Variants in ZFHX3 observed in about 807,000 individuals in gnomAD.
The protein encoded by ZFHX3 is zinc finger homeobox 3.
In ZFHX3, 42 loss-of-function variants were observed where a neutral mutation model predicts 279.1. The ratio of observed to expected loss-of-function variants is 0.15; its 90% CI spans 0.12 to 0.19. The LOEUF is 0.19. ZFHX3 is among the 10% of genes least tolerant of loss of function. The pLI is 1.00. For synonymous variants in ZFHX3, 2,293 were observed against 1,957.8 expected (o/e 1.17, Z -4.52); for missense variants, 4,981 against 4,754.0 (o/e 1.05, Z -1.40).
At chr16:73,685,927 A>G (rs1212924816) in intron 1 of ZFHX3, among the ~76,000 whole-genome samples, 1 of 152,182 alleles carries the variant, frequency 6.6e-6, no homozygotes, top group Non-Finnish European at 1.5e-5. Flanking sequence ...CATTCTCGGA[A>G]GTGTGGGATG....
intron 2 of ZFHX3, among the ~76,000 whole-genome samples, chr16:73,591,547 G>T (rs2051996576): frequency 6.6e-6 from 1 of 151,354 alleles, no homozygotes; most frequent in South Asian, 2.1e-4. Context: ...AAAAAAATTA[G>T]CAGGGCATGG....
intron 1 of ZFHX3, among the ~76,000 whole-genome samples, chr16:73,711,594 C>G (rs1377272706): frequency 2.0e-5 from 3 of 152,062 alleles, no homozygotes; most frequent in African/African-American, 7.2e-5. Flanking sequence ...AGATATATGA[C>G]TGAGGCAGAC....
intron 5 of ZFHX3, among the ~76,000 whole-genome samples, chr16:73,256,103 ACAAG>A (rs1249432180): frequency 6.6e-6 from 1 of 152,206 alleles, no homozygotes; most frequent in Non-Finnish European, 1.5e-5. Context: ...ACACAGACTG[ACAAG>A]ATCACGCTCG....
At chr16:73,692,046 T>G (rs546786915) in intron 1 of ZFHX3, among the ~76,000 whole-genome samples, 1 of 152,354 alleles carries the variant, frequency 6.6e-6, no homozygotes, top group African/African-American at 2.4e-5. Context: ...GACCTTTTCC[T>G]GTTGCAGATC....
rs1180264231 is a variant in ZFHX3, at chr16:72,785,225, T to G, written c.*1939A>C. 6.6e-6 allele frequency: 1 copy of G among 152,624 alleles called. No individual in the cohort carries two copies. Among genetic ancestry groups the G allele is most frequent in the Non-Finnish European group, 1.5e-5 (1 of 68,042 alleles). 9.5% of individuals were successfully genotyped at this position (152,624 alleles called of 1,614,324 possible). A position where few individuals can be genotyped will look rare whatever the true frequency, so the allele number is the denominator to read the frequency against. Reference sequence around the variant, plus strand: ...ACAAAGTTTTCAAAGTTCAGACCATTTATTTATTTTTCTTTTTACATGAGA... The same window carrying G: ...ACAAAGTTTTCAAAGTTCAGACCATGTATTTATTTTTCTTTTTACATGAGA... On this transcript the variant is annotated 3_prime_UTR_variant, in exon 10 of 10. Coordinates refer to ENST00000268489, the MANE Select transcript of ZFHX3 (RefSeq NM_006885.4).
In ZFHX3 at chr16:73,483,351, A is replaced by AAGAGAGAG. The variant is rs3087036; in HGVS notation, c.-1546-27101_-1546-27094dup. 5.5e-3 allele frequency: 2,382 copies of AAGAGAGAG among 434,794 alleles called. 47 individuals are homozygous for AAGAGAGAG. Among genetic ancestry groups the AAGAGAGAG allele is most frequent in the African/African-American group, 0.04 (1,980 of 48,948 alleles). 26.9% of individuals were successfully genotyped at this position (434,794 alleles called of 1,614,324 possible). A position where few individuals can be genotyped will look rare whatever the true frequency, so the allele number is the denominator to read the frequency against. On this transcript the variant is annotated intron_variant, in intron 2 of 17. Coordinates refer to the ZFHX3 transcript ENST00000641206. ...CGAGTGAGAGACAGAGAGAGAGAGA[A>AAGAGAGAG]AGAGAGAGAGAGAGAGAGTTCCTCA...
intron 1 of ZFHX3, among the ~76,000 whole-genome samples, chr16:73,695,284 G>A (rs1332361396): frequency 6.9e-6 from 1 of 145,148 alleles, no homozygotes; most frequent in South Asian, 2.2e-4. Context: ...TAGCCAGGCT[G>A]GAGTGCAGTG....
chr16:73,717,560 A>T (rs1170523631), intron 1 of ZFHX3, among the ~76,000 whole-genome samples: 1 of 152,166 alleles, frequency 6.6e-6, no homozygotes, highest in Non-Finnish European at 1.5e-5. Context: ...TTGACGCTCA[A>T]ACAAGCCTTT....
intron 3 of ZFHX3, among the ~76,000 whole-genome samples, chr16:73,334,788 T>C (rs886475429): frequency 1.3e-5 from 2 of 149,146 alleles, no homozygotes; most frequent in Non-Finnish European, 3.0e-5. Context: ...GGAGATCTCT[T>C]TTCCTCCTTT....
intron 4 of ZFHX3, among the ~76,000 whole-genome samples, chr16:73,258,802 T>C (rs926554978): frequency 2.6e-5 from 4 of 152,228 alleles, no homozygotes; most frequent in Non-Finnish European, 5.9e-5. Flanking sequence ...AGATGGATCT[T>C]TCTTTTAGAC....
At chr16:73,854,727 C>CAAAAAAA (rs60003447) in intron 1 of ZFHX3, among the ~76,000 whole-genome samples, 3 of 59,518 alleles carry the variant, frequency 5.0e-5, no homozygotes, top group African/African-American at 6.6e-5. Context: ...CCACCTTCCA[C>CAAAAAAA]AAAAAAAAAA....
intron 4 of ZFHX3, among the ~76,000 whole-genome samples, chr16:72,838,952 A>C (rs958165226): frequency 1.3e-5 from 2 of 152,156 alleles, no homozygotes; most frequent in African/African-American, 4.8e-5. Context: ...GTAAAATACA[A>C]ACCCAACCCT....
intron 1 of ZFHX3, among the ~76,000 whole-genome samples, chr16:73,682,894 GAAAGAAAGAA>G (rs1567550522): frequency 0.011 from 432 of 41,048 alleles, 36 homozygotes; most frequent in African/African-American, 0.03. Context: ...AAGAAAGAAA[GAAAGAAAGAA>G]AGAGAAAGAA....
chr16:73,891,738 T>TTCTCTCTCTCTCTCTCTCTC lies in ZFHX3; in HGVS notation c.-1715_-1696dup, dbSNP rs3082344. On this transcript the variant is annotated 5_prime_UTR_variant, in exon 1 of 18. Transcript: ENST00000641206. ...GAGAACCATCCTTCAGGGTTTTTAG[T>TTCTCTCTCTCTCTCTCTCTC]TCTCTCTCTCTCTCTCTCTCTCTCT... 489 of 141,916 alleles carry TTCTCTCTCTCTCTCTCTCTC rather than the reference T, an allele frequency of 3.4e-3. 1 individual carries two copies. The highest frequency in any genetic ancestry group is 5.1e-3 in the Non-Finnish European group (332 of 65,566). 8.8% of individuals were successfully genotyped at this position (141,916 alleles called of 1,614,324 possible). A position where few individuals can be genotyped will look rare whatever the true frequency, so the allele number is the denominator to read the frequency against.
intron 1 of ZFHX3, among the ~76,000 whole-genome samples, chr16:73,857,780 G>C (rs1406106546): frequency 6.6e-6 from 1 of 152,156 alleles, no homozygotes; most frequent in South Asian, 2.1e-4. Context: ...GGTAGAGGCT[G>C]ATCCTCATTT....
At chr16:73,005,963 G>C (rs1963689499) in intron 1 of ZFHX3, 1 of 152,132 alleles carries the variant, frequency 6.6e-6, no homozygotes, top group Non-Finnish European at 1.5e-5. Flanking sequence ...GTTTTTCCCA[G>C]TATATGAGAA....
intron 3 of ZFHX3, among the ~76,000 whole-genome samples, chr16:72,899,507 C>T (rs750083317): frequency 5.3e-5 from 8 of 152,200 alleles, no homozygotes; most frequent in Non-Finnish European, 1.0e-4. Flanking sequence ...CACCCAGTCT[C>T]GGGTATGTCT....
At chr16:73,441,414 A>G (rs1474401982) in intron 3 of ZFHX3, among the ~76,000 whole-genome samples, 2 of 152,212 alleles carry the variant, frequency 1.3e-5, no homozygotes, top group African/African-American at 2.4e-5. Flanking sequence ...TTGAAAAACC[A>G]GATGCCAAGA....
At position 73,843,098 on chromosome 16, in the gene ZFHX3, G is replaced by C. The variant is rs543240910; in HGVS notation, c.-1608+48553C>G. Among the ~76,000 whole-genome samples the C allele has an allele frequency of 2.2e-4, 33 of 152,246 alleles. 1 individual carries two copies. The highest frequency in any genetic ancestry group is 3.9e-4 in the Admixed American group (6 of 15,294). On this transcript the variant is annotated intron_variant, in intron 1 of 17. Coordinates refer to the ZFHX3 transcript ENST00000641206. ...GTTTTTGCAGAATTTTCCAGAATAG[G>C]TGTCAATTTACTTTGTAAACATTGT...
Sources: gnomAD v4.1 joint callset for allele counts (sites outside exome capture counted in the v4.1 genomes callset) on GRCh38, gnomAD v4.1.1 for gene constraint, MANE v1.5 for transcripts, NCBI Gene and HGNC (gene_info 2026-07-23, HGNC 2026-07-21) for gene names.